The following DPRX variants were observed in gnomAD, a reference collection of about 807,000 sequenced individuals.
DPRX encodes the protein divergent paired-related homeobox.
DPRX carries 11 observed loss-of-function variants against 8.4 expected under a neutral mutation model. The observed-to-expected ratio is 1.31, with a 90% confidence interval of 0.82 to 2.17. The LOEUF is 2.17. Ranked by LOEUF, DPRX falls within the 30% of genes most tolerant of loss-of-function variation. DPRX has a pLI of 0.00. For synonymous variants in DPRX, 72 were observed against 87.0 expected (o/e 0.83, Z 0.96); for missense variants, 211 against 236.7 (o/e 0.89, Z 0.71).
At chr19:53,617,207 G>A in the DPRX span, 27 of 882,832 alleles carry the variant, frequency 3.1e-5, no homozygotes, top group African/African-American at 3.8e-4. Flanking sequence ...TTTTTTTCAC[G>A]GCTAGAGTAT....
the DPRX span, among the ~76,000 whole-genome samples, chr19:53,624,623 C>T: frequency 6.6e-6 from 1 of 151,852 alleles, no homozygotes; most frequent in African/African-American, 2.4e-5. Context: ...CCATGTTGGC[C>T]AGGCTGGTCT....
At chr19:53,625,266 T>G in the DPRX span, among the ~76,000 whole-genome samples, 36 of 151,738 alleles carry the variant, frequency 2.4e-4, no homozygotes, top group African/African-American at 8.5e-4. Context: ...TTACCCAGAC[T>G]CATCTCAAAC....
intron 2 of DPRX, among the ~76,000 whole-genome samples, chr19:53,636,231 T>C (rs547997586): frequency 1.3e-5 from 2 of 151,852 alleles, no homozygotes; most frequent in South Asian, 4.2e-4. Flanking sequence ...CCAGGCATAG[T>C]GGTGTGAGCC....
the DPRX span, among the ~76,000 whole-genome samples, chr19:53,611,391 C>A: frequency 1.3e-5 from 2 of 151,980 alleles, no homozygotes; most frequent in Admixed American, 1.3e-4. Flanking sequence ...CATTACCACA[C>A]CCAGATAATT....
chr19:53,607,599 C>T, the DPRX span, among the ~76,000 whole-genome samples: 1 of 151,820 alleles, frequency 6.6e-6, no homozygotes, highest in Non-Finnish European at 1.5e-5. Context: ...CACCTGTAAT[C>T]CCAGCACTTT....
chr19:53,619,173 A>C, the DPRX span, among the ~76,000 whole-genome samples: 404 of 152,242 alleles, frequency 2.7e-3, 2 homozygotes, highest in African/African-American at 9.1e-3. Flanking sequence ...TTTATTTAGA[A>C]TGTGATCCTA....
chr19:53,636,446 AG>A (rs869276996), intron 2 of DPRX, 149 bp from the exon 3 acceptor site: 4 of 269,064 alleles, frequency 1.5e-5, no homozygotes, highest in Non-Finnish European at 2.1e-5. Flanking sequence ...GGAAAAAAAA[AG>A]AAAAGTTAAA....
chr19:53,632,195 G>A (rs372035695), intron 1 of DPRX, 61 bp downstream of exon 1: 46 of 1,612,462 alleles, frequency 2.9e-5, no homozygotes, highest in Non-Finnish European at 3.6e-5. Flanking sequence ...AGCAGCTGGC[G>A]GCGGGAAAAG....
At chr19:53,618,933 C>T in the DPRX span, among the ~76,000 whole-genome samples, 2 of 152,012 alleles carry the variant, frequency 1.3e-5, no homozygotes, top group Non-Finnish European at 2.9e-5. Context: ...CCACCCGCCT[C>T]GGCCTCCCAA....
At chr19:53,609,786 A>G in the DPRX span, among the ~76,000 whole-genome samples, 1 of 151,954 alleles carries the variant, frequency 6.6e-6, no homozygotes, top group Non-Finnish European at 1.5e-5. Context: ...GGAGTTTGGG[A>G]CCAGCCTGGC....
chr19:53,631,960 G>T (rs1568584057), upstream of DPRX: 2 of 1,038,636 alleles, frequency 1.9e-6, no homozygotes, highest in Non-Finnish European at 2.9e-6. Flanking sequence ...GGAGGACCGA[G>T]GGATCATATT....
At chr19:53,629,953 T>C (rs1438409353), upstream of DPRX, 2 of 151,950 alleles carry the variant, frequency 1.3e-5, no homozygotes, top group East Asian at 1.9e-4. Flanking sequence ...ACACATGTAA[T>C]CCCAGCACTT....
At chr19:53,612,092 A>G in the DPRX span, among the ~76,000 whole-genome samples, 1 of 151,372 alleles carries the variant, frequency 6.6e-6, no homozygotes, top group South Asian at 2.1e-4. Flanking sequence ...TCAAAAAAAA[A>G]AGTAAGCTGG....
At chr19:53,618,150 A>G in the DPRX span, among the ~76,000 whole-genome samples, 2 of 134,944 alleles carry the variant, frequency 1.5e-5, no homozygotes, top group East Asian at 3.9e-4. Flanking sequence ...TTCAAAAAAA[A>G]AAAAAGAAAG....
chr19:53,613,324 C>CA, the DPRX span, among the ~76,000 whole-genome samples: 1 of 151,940 alleles, frequency 6.6e-6, no homozygotes, highest in African/African-American at 2.4e-5. Flanking sequence ...GGGGGGAGGT[C>CA]ACTGCACGTT....
chr19:53,602,273 T>G, the DPRX span: 2 of 132,380 alleles, frequency 1.5e-5, no homozygotes, highest in South Asian at 7.2e-5. Context: ...TATGGGTGTG[T>G]GTGTGTGTGT....
chr19:53,628,478 G>A (rs1161104088), upstream of DPRX, among the ~76,000 whole-genome samples: 1 of 152,054 alleles, frequency 6.6e-6, no homozygotes, highest in African/African-American at 2.4e-5. Context: ...CTCTAACTGT[G>A]GTGACATACG....
the DPRX span, among the ~76,000 whole-genome samples, chr19:53,622,682 C>T: frequency 6.6e-6 from 1 of 152,056 alleles, no homozygotes; most frequent in East Asian, 1.9e-4. Flanking sequence ...CTGCCCAGTG[C>T]TTTATCAGCC....
chr19:53,636,487 TAAATA>T (rs1309508919), intron 2 of DPRX, 104 bp from the exon 3 acceptor site: 99 of 934,496 alleles, frequency 1.1e-4, no homozygotes, highest in Non-Finnish European at 1.3e-4. Flanking sequence ...AGAATATAAA[TAAATA>T]AAATACGTTT....
Sources: gnomAD v4.1 joint callset for allele counts (sites outside exome capture counted in the v4.1 genomes callset) on GRCh38, gnomAD v4.1.1 for gene constraint, MANE v1.5 for transcripts, NCBI Gene and HGNC (gene_info 2026-07-23, HGNC 2026-07-21) for gene names.